Variants in ZNF536 observed in about 807,000 individuals in gnomAD.
ZNF536 encodes the protein zinc finger protein 536.
In ZNF536, 13 loss-of-function variants were observed where a neutral mutation model predicts 84.5. That is an observed-to-expected ratio of 0.15 (90% CI 0.10 to 0.24). The LOEUF is 0.24. Among genes scored for constraint, ZNF536 ranks in the 10% least tolerant of loss-of-function variants. ZNF536 has a pLI of 1.00. For synonymous variants in ZNF536, 811 were observed against 742.5 expected, an observed-to-expected ratio of 1.09 and a Z score of -1.50; for missense variants, 1,536 against 1,747.5, an observed-to-expected ratio of 0.88 and a Z score of 2.16.
At chr19:30,443,442 C>A in intron 1 of ZNF536, 119 bp from the exon 2 acceptor site, 1 of 1,363,022 alleles carries the variant, frequency 7.3e-7, no homozygotes, top group Admixed American at 2.7e-5. Flanking sequence ...GACAAGAATT[C>A]CTTAGCATGA....
At chr19:30,287,983 T>C (rs2045708824) in intron 2 of ZNF536, among the ~76,000 whole-genome samples, 1 of 152,216 alleles carries the variant, frequency 6.6e-6, no homozygotes, top group African/African-American at 2.4e-5. Context: ...ATTTTCAAAA[T>C]CTAATGATCA....
chr19:30,700,272 G>A (rs1426795271), intron 1 of ZNF536, among the ~76,000 whole-genome samples: 1 of 63,540 alleles, frequency 1.6e-5, no homozygotes, highest in African/African-American at 6.3e-5. Context: ...CTTTCTCTTT[G>A]TGTCTTTCTT....
At chr19:30,700,201 C>T (rs1192464813) in intron 1 of ZNF536, among the ~76,000 whole-genome samples, 13 of 82,754 alleles carry the variant, frequency 1.6e-4, no homozygotes, top group South Asian at 4.1e-4. Flanking sequence ...TCTTTCTTTC[C>T]TTCTTTCTTT....
At chr19:30,636,990 A>G (rs889623199) in intron 1 of ZNF536, among the ~76,000 whole-genome samples, 3 of 152,126 alleles carry the variant, frequency 2.0e-5, no homozygotes, top group Non-Finnish European at 4.4e-5. Context: ...GCTCTCCCAC[A>G]TCTCTAGGAT....
chr19:30,621,611 A>G (rs1452240050), intron 1 of ZNF536, among the ~76,000 whole-genome samples: 1 of 152,246 alleles, frequency 6.6e-6, no homozygotes, highest in Non-Finnish European at 1.5e-5. Context: ...TGCCAGCCAT[A>G]ATTCAGTGTG....
chr19:30,447,150 G>C (rs958619192), intron 2 of ZNF536, among the ~76,000 whole-genome samples: 4 of 152,196 alleles, frequency 2.6e-5, no homozygotes, highest in Non-Finnish European at 4.4e-5. Flanking sequence ...TAAAGACGTA[G>C]CAGCACCCTG....
In ZNF536 at chr19:30,444,304, G is replaced by T. The variant is rs528598169; in HGVS notation, c.742G>T (p.Val248Phe). 2 of 1,582,052 alleles carry T rather than the reference G, an allele frequency of 1.3e-6. No individual in the cohort carries two copies. The highest frequency in any genetic ancestry group is 1.7e-6 in the Non-Finnish European group (2 of 1,171,432). Residue 248 changes from valine (V) to phenylalanine (F), a missense_variant, in exon 2 of 5, where the codon GTT (valine) becomes TTT (phenylalanine). Around this residue, in one of 8 missense-constraint regions of ZNF536, gnomAD observed 138 missense variants for 136.8 expected, o/e 1.01. Coordinates refer to ENST00000355537, the MANE Select transcript of ZNF536 (RefSeq NM_014717.3). ...CTLALQANHS[V>F]PDVAHPVPSP... ...CCTGGCCCTGCAGGCTAACCACAGC[G>T]TTCCCGACGTGGCCCACCCGGTGCC...
At chr19:30,654,012 G>A (rs1463556570) in intron 1 of ZNF536, among the ~76,000 whole-genome samples, 2 of 152,216 alleles carry the variant, frequency 1.3e-5, no homozygotes, top group Non-Finnish European at 2.9e-5. Context: ...CCTCTTTGAG[G>A]AGCTGTTCCT....
intron 1 of ZNF536, among the ~76,000 whole-genome samples, chr19:30,404,404 G>A (rs1014552768): frequency 6.6e-6 from 1 of 152,208 alleles, no homozygotes; most frequent in African/African-American, 2.4e-5. Flanking sequence ...TGGCTTAGCA[G>A]TGAGGCGCAT....
chr19:30,631,295 C>A (rs189367820), intron 1 of ZNF536, among the ~76,000 whole-genome samples: 3 of 152,330 alleles, frequency 2.0e-5, no homozygotes, highest in Admixed American at 2.0e-4. Context: ...AGCCAGGCTG[C>A]CCCTCTTTGT....
In ZNF536 at chr19:30,548,058, T is replaced by C. The variant is rs1232692538; in HGVS notation, c.2439T>C (p.Ser813=). The change falls in exon 4 of 5, where the codon TCT becomes TCC. Residue 813 remains serine, a synonymous_variant. Transcript: ENST00000355537. The stretch of plus-strand genomic sequence containing the variant: ...GGCAGAACGGGGCTGGGCCGCTGTC[T>C]GGGCAACCCCCAAATCAAGACCACA... ...RERQNGAGPL[S]GQPPNQDHKD... 1 of 1,614,128 alleles carries C rather than the reference T, an allele frequency of 6.2e-7. No homozygotes were observed. Among genetic ancestry groups the C allele is most frequent in the African/African-American group, 1.3e-5 (1 of 75,030 alleles).
At chr19:30,709,030 C>T (rs148477997) in intron 1 of ZNF536, among the ~76,000 whole-genome samples, 1 of 152,228 alleles carries the variant, frequency 6.6e-6, no homozygotes, top group East Asian at 1.9e-4. Flanking sequence ...AGGAACGGCT[C>T]ATCAACAGCT....
At chr19:30,710,950 C>G (rs1056523670) in exon 2 of ZNF536, 1 of 152,288 alleles carries the variant, frequency 6.6e-6, no homozygotes. Flanking sequence ...AGGCGGGGAG[C>G]TCTGCAGACC....
At position 30,630,604 on chromosome 19, in the gene ZNF536, A is replaced by G. The variant is rs369379650; in HGVS notation, c.170-80153A>G. On this transcript the variant is annotated intron_variant, in intron 1 of 1. Transcript: ENST00000592773. ...CCCTGCCAGCAGCTTCTGCTGAGAGAGGAGCTTTGAAAAATCCTCTGTTCT... is the reference window on the plus strand; with the variant it reads ...CCCTGCCAGCAGCTTCTGCTGAGAGGGGAGCTTTGAAAAATCCTCTGTTCT... Among the ~76,000 whole-genome samples the G allele has an allele frequency of 1.4e-4, 21 of 152,274 alleles. No homozygotes were observed. The East Asian group carries it at 3.9e-3, about 28-fold the overall frequency.
At chr19:30,324,255 A>G (rs1016113926) in intron 2 of ZNF536, among the ~76,000 whole-genome samples, 18 of 152,160 alleles carry the variant, frequency 1.2e-4, no homozygotes, top group African/African-American at 4.1e-4. Context: ...CATCCATCCC[A>G]TCCATCATCC....
At chr19:30,463,038 G>A (rs1418254998) in intron 2 of ZNF536, among the ~76,000 whole-genome samples, 6 of 135,234 alleles carry the variant, frequency 4.4e-5, no homozygotes, top group African/African-American at 1.3e-4. Flanking sequence ...GCCTGTATCC[G>A]TACGCATTTG....
In ZNF536 at chr19:30,444,066, G is replaced by C. The variant is rs547189963; in HGVS notation, c.504G>C (p.Ala168=). ...FKCPYCDHRA[A]QKGNLKIHLR... is the part of the protein sequence containing the mutation. ...GCCCGTACTGCGACCACAGGGCGGC[G>C]CAGAAGGGGAACCTCAAGATTCACC... is the stretch of plus-strand genomic sequence containing the variant. The change falls in exon 2 of 5, where the codon GCG becomes GCC. Residue 168 remains alanine, a synonymous_variant. Coordinates refer to ENST00000355537, the MANE Select transcript of ZNF536 (RefSeq NM_014717.3). 1 of 1,613,456 alleles carries C rather than the reference G, an allele frequency of 6.2e-7. No individual in the cohort carries two copies. Among genetic ancestry groups the C allele is most frequent in the South Asian group, 1.1e-5 (1 of 91,078 alleles).
At chr19:30,519,266 A>G (rs776131784) in intron 2 of ZNF536, among the ~76,000 whole-genome samples, 1 of 152,242 alleles carries the variant, frequency 6.6e-6, no homozygotes, top group Admixed American at 6.5e-5. Flanking sequence ...GCAAAATAGG[A>G]TTGAATTTCT....
At chr19:30,524,602 T>C (rs1247350444) in intron 2 of ZNF536, among the ~76,000 whole-genome samples, 1 of 152,198 alleles carries the variant, frequency 6.6e-6, no homozygotes, top group Non-Finnish European at 1.5e-5. Context: ...CCGCAAGTTA[T>C]AGTGACTGAC....
Sources: allele counts gnomAD v4.1 joint callset (sites outside exome capture counted in the v4.1 genomes callset), GRCh38; gene constraint gnomAD v4.1.1; regional missense constraint gnomAD v4.1.1; transcripts MANE v1.5; gene names NCBI Gene and HGNC (gene_info 2026-07-23, HGNC 2026-07-21).